Variants in SNX29 observed in about 807,000 individuals in gnomAD.
The protein encoded by SNX29 is sorting nexin-29.
In SNX29, 78 loss-of-function variants were observed where a neutral mutation model predicts 102.1. The ratio of observed to expected loss-of-function variants is 0.76; its 90% CI spans 0.64 to 0.92. SNX29 has a LOEUF of 0.92. SNX29 is among the 40% of genes least tolerant of loss of function. The probability of loss-of-function intolerance (pLI) is 0.00; values close to 1 mark genes in which losing one functional copy is unlikely to be tolerated. For synonymous variants in SNX29, 580 were observed against 414.5 expected, an observed-to-expected ratio of 1.40 and a Z score of -4.85; for missense variants, 1,280 against 1,061.7, an observed-to-expected ratio of 1.21 and a Z score of -2.86.
intron 19 of SNX29, among the ~76,000 whole-genome samples, chr16:12,511,208 A>C (rs550914110): frequency 3.7e-4 from 56 of 152,130 alleles, no homozygotes; most frequent in Non-Finnish European, 6.3e-4. Context: ...GTTTTTAGCA[A>C]AGCCGCAGGT....
intron 15 of SNX29, among the ~76,000 whole-genome samples, chr16:12,303,270 C>T (rs2080237190): frequency 6.6e-6 from 1 of 152,118 alleles, no homozygotes; most frequent in Admixed American, 6.5e-5. Context: ...AACACTTGCC[C>T]ACGAACACCA....
At chr16:12,435,917 G>T (rs569419615) in intron 18 of SNX29, among the ~76,000 whole-genome samples, 1 of 152,178 alleles carries the variant, frequency 6.6e-6, no homozygotes, top group Non-Finnish European at 1.5e-5. Context: ...GGAGCAGCAC[G>T]CTATCTGTGG....
intron 15 of SNX29, among the ~76,000 whole-genome samples, chr16:12,290,102 A>G (rs983329694): frequency 3.9e-5 from 6 of 152,100 alleles, no homozygotes; most frequent in Non-Finnish European, 8.8e-5. Flanking sequence ...GGCCCAGTCT[A>G]CTTGGGCCAT....
chr16:12,219,614 T>A (rs1402895650), intron 14 of SNX29, among the ~76,000 whole-genome samples: 1 of 152,260 alleles, frequency 6.6e-6, no homozygotes. Flanking sequence ...AAGACCATTC[T>A]TCCCTTTCTC....
At chr16:12,272,516 C>G (rs2079121230) in intron 14 of SNX29, among the ~76,000 whole-genome samples, 1 of 152,202 alleles carries the variant, frequency 6.6e-6, no homozygotes, top group South Asian at 2.1e-4. Flanking sequence ...GGTTGCCCTG[C>G]CGACGGGCTC....
intron 14 of SNX29, among the ~76,000 whole-genome samples, chr16:12,264,414 G>A (rs537069748): frequency 2.8e-4 from 43 of 152,302 alleles, no homozygotes; most frequent in South Asian, 8.3e-4. Flanking sequence ...AACAGTTTCC[G>A]CCTCTGATAT....
intron 1 of SNX29, among the ~76,000 whole-genome samples, chr16:11,987,413 T>TG: frequency 1.3e-5 from 2 of 149,698 alleles, no homozygotes; most frequent in Non-Finnish European, 3.0e-5. Flanking sequence ...CTTTTTTTTT[T>TG]TTTTTTTTGA....
At chr16:12,008,198 C>T (rs1390315681) in intron 3 of SNX29, among the ~76,000 whole-genome samples, 1 of 152,178 alleles carries the variant, frequency 6.6e-6, no homozygotes, top group Admixed American at 6.5e-5. Flanking sequence ...CCCGCCTCGG[C>T]CTCCCAAAGT....
At chr16:12,469,113 A>G (rs1015527244) in intron 18 of SNX29, among the ~76,000 whole-genome samples, 1 of 152,204 alleles carries the variant, frequency 6.6e-6, no homozygotes, top group African/African-American at 2.4e-5. Context: ...TTTATGCTAC[A>G]TCCTTCTTTC....
rs1487049278 is a variant in SNX29, at chr16:12,416,442, A to G, written c.2037+12913A>G. Among the ~76,000 whole-genome samples the G allele has an allele frequency of 2.0e-5, 3 of 152,298 alleles. No homozygotes were observed. In the South Asian group the frequency reaches 6.2e-4, roughly 32 times the overall value. ...TTCTGAATGTTTCCACCACAAAGAA[A>G]TGAGAAGTATTTGAGGTGATGGATC... On this transcript the variant is annotated intron_variant, in intron 18 of 20. Coordinates refer to ENST00000566228, the MANE Select transcript of SNX29 (RefSeq NM_032167.5).
At chr16:12,415,075 C>G (rs2084571210) in intron 18 of SNX29, among the ~76,000 whole-genome samples, 1 of 152,218 alleles carries the variant, frequency 6.6e-6, no homozygotes, top group Non-Finnish European at 1.5e-5. Context: ...GCTAAGGGCT[C>G]CATGGCAGGC....
At chr16:12,401,708 A>G (rs2083951456) in intron 17 of SNX29, among the ~76,000 whole-genome samples, 1 of 152,150 alleles carries the variant, frequency 6.6e-6, no homozygotes, top group Admixed American at 6.5e-5. Context: ...CTCCCATGTT[A>G]AAACTGAATG....
chr16:12,154,920 C>G lies in SNX29; in HGVS notation c.1595+25162C>G, dbSNP rs76886091. Among the ~76,000 whole-genome samples the G allele has an allele frequency of 2.7e-3, 404 of 152,310 alleles. 4 individuals are homozygous for G. Among genetic ancestry groups the G allele is most frequent in the African/African-American group, 8.9e-3 (370 of 41,576 alleles). ...TTTAAAATGCCGCACCTCCTAATAT[C>G]ATCATCTTGGAGGTTAGCATTTCAG... is the stretch of plus-strand genomic sequence containing the variant. On this transcript the variant is annotated intron_variant, in intron 13 of 20. Transcript: ENST00000566228.
intron 18 of SNX29, among the ~76,000 whole-genome samples, chr16:12,418,046 A>G (rs768903258): frequency 2.6e-5 from 4 of 152,126 alleles, no homozygotes; most frequent in African/African-American, 4.8e-5. Flanking sequence ...ATGCAAATGC[A>G]TGTGGGATTT....
chr16:12,195,207 T>C (rs1392936294), intron 13 of SNX29, among the ~76,000 whole-genome samples: 1 of 152,224 alleles, frequency 6.6e-6, no homozygotes, highest in Non-Finnish European at 1.5e-5. Flanking sequence ...GGGATAAACA[T>C]ACATATTTAT....
chr16:12,546,995 C>G (rs545988913), intron 20 of SNX29, among the ~76,000 whole-genome samples: 1 of 152,104 alleles, frequency 6.6e-6, no homozygotes, highest in Non-Finnish European at 1.5e-5. Context: ...TTACAGTGCA[C>G]CATTTCAGAT....
chr16:12,048,756 G>C, intron 7 of SNX29, 136 bp downstream of exon 7: 1 of 1,452,376 alleles, frequency 6.9e-7, no homozygotes, highest in Non-Finnish European at 9.5e-7. Context: ...TTGTGTTTCT[G>C]TTTCTCATCC....
chr16:12,118,695 C>G (rs1340316746), intron 11 of SNX29, among the ~76,000 whole-genome samples: 1 of 152,136 alleles, frequency 6.6e-6, no homozygotes, highest in African/African-American at 2.4e-5. Flanking sequence ...CACCCTCGAC[C>G]CTCACCTGAG....
chr16:12,097,247 C>T (rs147115650), intron 11 of SNX29, among the ~76,000 whole-genome samples: 36 of 152,318 alleles, frequency 2.4e-4, no homozygotes, highest in African/African-American at 6.7e-4. Flanking sequence ...ACAGAGGAGA[C>T]GGGAGTGCTT....
Sources: allele counts gnomAD v4.1 joint callset (sites outside exome capture counted in the v4.1 genomes callset), GRCh38; gene constraint gnomAD v4.1.1; transcripts MANE v1.5; gene names NCBI Gene and HGNC (gene_info 2026-07-23, HGNC 2026-07-21).